ITGB1BP2: variants seen among roughly 807,000 people sequenced by gnomAD.
ITGB1BP2 encodes integrin beta-1-binding protein 2.
Under a neutral mutation model 32.2 loss-of-function variants are expected in ITGB1BP2, and 27 were observed. That is an observed-to-expected ratio of 0.84 (90% CI 0.62 to 1.16). ITGB1BP2 has a LOEUF of 1.16. ITGB1BP2 is among the 50% of genes most tolerant of loss of function. The probability of loss-of-function intolerance (pLI) is 0.00; values close to 1 mark genes in which losing one functional copy is unlikely to be tolerated. For missense variants in ITGB1BP2, 250 were observed against 267.3 expected, an observed-to-expected ratio of 0.94 and a Z score of 0.45; for synonymous variants, 105 against 94.7, an observed-to-expected ratio of 1.11 and a Z score of -0.63.
rs751663585 is a variant in ITGB1BP2 at position 71,301,776 on chromosome X, C to T, written c.-31C>T. On this transcript the variant is annotated 5_prime_UTR_variant, in exon 1 of 11. Coordinates refer to ENST00000373829, the MANE Select transcript of ITGB1BP2 (RefSeq NM_012278.4). ...TTCGGCAGCCAGACTCCTTGAAATA[C>T]CCTTTCAGTAATCATTCAACCAACG... 3 of 1,183,382 alleles carry T rather than the reference C, an allele frequency of 2.5e-6. No homozygotes were observed. In the South Asian group the frequency reaches 5.3e-5, roughly 21 times the overall value.
At position 71,305,284 on chromosome X, in the gene ITGB1BP2, G is replaced by A. The variant is rs759688759; in HGVS notation, c.*92G>A. The A allele has an allele frequency of 6.6e-5, 53 of 802,119 alleles. No individual in the cohort carries two copies. Among genetic ancestry groups the A allele is most frequent in the Non-Finnish European group, 8.5e-5 (48 of 565,611 alleles). 66.1% of individuals were successfully genotyped at this position (802,119 alleles called of 1,213,427 possible). On this transcript the variant is annotated 3_prime_UTR_variant, in exon 11 of 11. Coordinates refer to ENST00000373829, the MANE Select transcript of ITGB1BP2 (RefSeq NM_012278.4). The stretch of plus-strand genomic sequence containing the variant: ...ATTGTTGGCCATGTGGCATCATTGA[G>A]CAGCAGGAGGCTGAAGGAGGGGAGA...
rs2031658434 is a variant in ITGB1BP2, at chrX:71,304,070, A to G, written c.640-117A>G. 4 of 712,566 alleles carry G rather than the reference A, an allele frequency of 5.6e-6. No homozygotes were observed. In the South Asian group the frequency reaches 7.8e-5, roughly 14 times the overall value. The allele number at this position is 712,566 out of a possible 1,213,427, so 58.7% of individuals were successfully genotyped here. ...CCCTCAACAGCCCAGAGGTTTTGCA[A>G]TATGAGGTTGTGTTAATCTTTTTGA... is the stretch of plus-strand genomic sequence containing the variant. On this transcript the variant is annotated intron_variant, in intron 8 of 10. Coordinates refer to ENST00000373829, the MANE Select transcript of ITGB1BP2 (RefSeq NM_012278.4).
At chrX:71,303,230 G>A (rs2031644416) in intron 4 of ITGB1BP2, 32 bp from the exon 5 acceptor site, 1 of 1,143,949 alleles carries the variant, frequency 8.7e-7, no homozygotes, top group Admixed American at 2.3e-5. Context: ...TAGCTAATGG[G>A]TCAGAACTAA....
At chrX:71,302,235 A>G (rs767455025) in intron 2 of ITGB1BP2, 42 bp from the exon 3 acceptor site, 1 of 1,207,504 alleles carries the variant, frequency 8.3e-7, no homozygotes, top group Non-Finnish European at 1.1e-6. Context: ...CAGAAGAGAT[A>G]ATACCCAGGA....
Position 71,301,805 on chromosome X carries a change from C to T in ITGB1BP2, c.-2C>T. 3 of 1,208,485 alleles carry T rather than the reference C, an allele frequency of 2.5e-6. No individual in the cohort carries two copies. The highest frequency in any genetic ancestry group is 2.2e-6 in the Non-Finnish European group (2 of 892,744). ...TTCAGTAATCATTCAACCAACGCTT[C>T]CATGTCTCTACTCTGTCGTAACAAA... is the stretch of plus-strand genomic sequence containing the variant. On this transcript the variant is annotated 5_prime_UTR_variant, in exon 1 of 11. Coordinates refer to ENST00000373829, the MANE Select transcript of ITGB1BP2 (RefSeq NM_012278.4).
In ITGB1BP2 at chrX:71,302,330, C is replaced by G; in HGVS notation, c.168C>G (p.Ile56Met). Residue 56 changes from isoleucine (I) to methionine (M), a missense_variant, in exon 3 of 11, where the codon ATC (isoleucine) becomes ATG (methionine). By Grantham distance (10) the Ile-to-Met change is conservative (BLOSUM62 1). Transcript: ENST00000373829. ...RTVDFSEFLN[I>M]KGCTMGPHCA... The stretch of plus-strand genomic sequence containing the variant: ...TAGATTTCTCTGAGTTCTTAAACAT[C>G]AAGGTAAATTATTTATGTACTTGGA... The G allele has an allele frequency of 8.3e-7, 1 of 1,210,907 alleles. No homozygotes were observed. Among genetic ancestry groups the G allele is most frequent in the Non-Finnish European group, 1.1e-6 (1 of 895,062 alleles).
rs1323943813 is a variant in ITGB1BP2, at chrX:71,303,639, C to A, written c.481C>A (p.Pro161Thr). The A allele has an allele frequency of 1.7e-6, 2 of 1,210,471 alleles. No homozygotes were observed. The highest frequency in any genetic ancestry group is 4.4e-5 in the Admixed American group (2 of 45,884). Reference protein sequence around the residue: ...NPGCDAVYQGPESDATPCTYH... With the variant: ...NPGCDAVYQGTESDATPCTYH... Reference sequence around the variant, plus strand: ...TTATCCTTCTTAGGTTTACCAAGGCCCTGAGAGTGATGCTACTCCATGTAC... The same window carrying A: ...TTATCCTTCTTAGGTTTACCAAGGCACTGAGAGTGATGCTACTCCATGTAC... Residue 161 changes from proline (P) to threonine (T), a missense_variant, in exon 7 of 11, where the codon CCT becomes ACT. Pro to Thr is a conservative substitution (Grantham distance 38, BLOSUM62 -1). Transcript: ENST00000373829.
At chrX:71,302,667 G>T in intron 4 of ITGB1BP2, 111 bp downstream of exon 4, 1 of 870,094 alleles carries the variant, frequency 1.1e-6, no homozygotes, top group Non-Finnish European at 1.6e-6. Context: ...AGGAGGGCCA[G>T]ATGTCAGGGT....
At position 71,304,174 on chromosome X, in the gene ITGB1BP2, A is replaced by G; in HGVS notation, c.640-13A>G. The G allele has an allele frequency of 1.7e-6, 2 of 1,173,061 alleles. No individual in the cohort carries two copies. The highest frequency in any genetic ancestry group is 2.3e-6 in the Non-Finnish European group (2 of 861,149). ...TTTATTCTTACCACCTGCATTTCAC[A>G]TCTTCTCTTTAGCTCCCAGCATCTT... On this transcript the variant is annotated splice_polypyrimidine_tract_variant and intron_variant, in intron 8 of 10. Transcript: ENST00000373829.
rs778124609 is a variant in ITGB1BP2 at position 71,304,604 on chromosome X, G to C, written c.816G>C (p.Gly272=). Residue 272 remains glycine, a splice_region_variant and synonymous_variant, in exon 10 of 11, where the codon GGG becomes GGC. Coordinates refer to ENST00000373829, the MANE Select transcript of ITGB1BP2 (RefSeq NM_012278.4). ...TCCAAGCACAGATGAAGCTCTGGGGGGTAAGTGAAGACCAGGGGACACAAG... is the reference window on the plus strand; with the variant it reads ...TCCAAGCACAGATGAAGCTCTGGGGCGTAAGTGAAGACCAGGGGACACAAG... ...RVFQAQMKLW[G]VINVEQSSVF... 8.3e-7 allele frequency: 1 copy of C among 1,200,143 alleles called. No homozygotes were observed. Among genetic ancestry groups the C allele is most frequent in the Admixed American group, 2.2e-5 (1 of 45,616 alleles).
chrX:71,302,926 C>A (rs753206795), intron 4 of ITGB1BP2, among the ~76,000 whole-genome samples: 1 of 111,697 alleles, frequency 9.0e-6, no homozygotes, highest in South Asian at 3.7e-4. Context: ...AGGAGACTTC[C>A]CAAATTTTGT....
Position 71,303,330 on chromosome X carries a change from A to G in ITGB1BP2, c.386A>G (p.Lys129Arg), listed in dbSNP as rs1469724308. ...GCCCTGGAAATGGCATTGGAACAGA[A>G]GGAATTAGACCAGGAACCTGGGGCA... ...SQALEMALEQ[K>R]ELDQEPGAGL... is the part of the protein sequence containing the mutation. The change falls in exon 5 of 11, where the codon AAG becomes AGG. Residue 129 changes from lysine (K) to arginine (R), a missense_variant. Lys to Arg is a conservative substitution (Grantham distance 26). Transcript: ENST00000373829. The G allele has an allele frequency of 8.3e-7, 1 of 1,211,845 alleles. No homozygotes were observed. Among genetic ancestry groups the G allele is most frequent in the South Asian group, 1.8e-5 (1 of 57,013 alleles).
intron 1 of ITGB1BP2, 34 bp downstream of exon 1, chrX:71,301,904 T>C: frequency 2.6e-6 from 3 of 1,132,979 alleles, no homozygotes; most frequent in South Asian, 1.8e-5. Flanking sequence ...CCAGGGGCTC[T>C]GTGTGGGTGT....
chrX:71,305,017 T>A lies in ITGB1BP2; in HGVS notation c.869T>A (p.Ile290Asn). The A allele has an allele frequency of 5.0e-6, 6 of 1,211,165 alleles. No individual in the cohort carries two copies. The highest frequency in any genetic ancestry group is 6.7e-6 in the Non-Finnish European group (6 of 895,331). Residue 290 changes from isoleucine to asparagine, a missense_variant, in exon 11 of 11, where the codon ATC becomes AAC. Coordinates refer to ENST00000373829, the MANE Select transcript of ITGB1BP2 (RefSeq NM_012278.4). ...TTCTTGATGCCATCTCGGGTTGAAA[T>A]CTCCCTGGTCAAGGCTGACCCAGGA... ...SVFLMPSRVE[I>N]SLVKADPGSW...
At position 71,305,259 on chromosome X, in the gene ITGB1BP2, ATTG is replaced by A; in HGVS notation, c.*71_*73del. The A allele has an allele frequency of 1.0e-6, 1 of 964,050 alleles. No homozygotes were observed. The allele number at this position is 964,050 out of a possible 1,213,427, so 79.4% of individuals were successfully genotyped here. A position where few individuals can be genotyped will look rare whatever the true frequency, so the allele number is the denominator to read the frequency against. On this transcript the variant is annotated 3_prime_UTR_variant, in exon 11 of 11. Transcript: ENST00000373829. ...CCCTTAGAATCTTAGATACCAGGAT[ATTG>A]TTGGCCATGTGGCATCATTGAGCAG...
rs373288569 is a variant in ITGB1BP2, at chrX:71,305,239, A to G, written c.*47A>G. On this transcript the variant is annotated 3_prime_UTR_variant, in exon 11 of 11. Transcript: ENST00000373829. ...TAGATAGGACCTCAATGATTCCCTT[A>G]GAATCTTAGATACCAGGATATTGTT... 1.9e-6 allele frequency: 2 copies of G among 1,039,169 alleles called. No individual in the cohort carries two copies. Among genetic ancestry groups the G allele is most frequent in the Non-Finnish European group, 1.3e-6 (1 of 760,452 alleles). 85.6% of individuals were successfully genotyped at this position (1,039,169 alleles called of 1,213,427 possible).
Position 71,304,317 on chromosome X carries a change from T to C in ITGB1BP2, c.753+17T>C. 4 of 1,107,928 alleles carry C rather than the reference T, an allele frequency of 3.6e-6. No individual in the cohort carries two copies. Among genetic ancestry groups the C allele is most frequent in the Non-Finnish European group, 5.0e-6 (4 of 801,500 alleles). The allele number at this position is 1,107,928 out of a possible 1,213,427, so 91.3% of individuals were successfully genotyped here. A position where few individuals can be genotyped will look rare whatever the true frequency, so the allele number is the denominator to read the frequency against. On this transcript the variant is annotated intron_variant, in intron 9 of 10. Coordinates refer to ENST00000373829, the MANE Select transcript of ITGB1BP2 (RefSeq NM_012278.4). Reference sequence around the variant, plus strand: ...CAAACTGAGGTGAGCAATGATCTGATGTTGGATGGGAGGATAGTCAATTGG... The same window carrying C: ...CAAACTGAGGTGAGCAATGATCTGACGTTGGATGGGAGGATAGTCAATTGG...
chrX:71,304,736 TTC>T (rs1165279963), intron 10 of ITGB1BP2, 132 bp downstream of exon 10: 36 of 545,053 alleles, frequency 6.6e-5, no homozygotes, highest in Non-Finnish European at 1.1e-4. Context: ...TGCTTTCATT[TTC>T]TCTCTCTCTC....
chrX:71,301,950 G>A, intron 1 of ITGB1BP2, 80 bp downstream of exon 1: 3 of 962,554 alleles, frequency 3.1e-6, no homozygotes, highest in Non-Finnish European at 4.4e-6. Flanking sequence ...TGTGTTTGAG[G>A]AGCGGGGAAA....
Sources: gnomAD v4.1 joint callset for allele counts (sites outside exome capture counted in the v4.1 genomes callset) on GRCh38, gnomAD v4.1.1 for gene constraint, MANE v1.5 for transcripts, NCBI Gene and HGNC (gene_info 2026-07-23, HGNC 2026-07-21) for gene names.